ZSWIM4: variants seen among roughly 807,000 people sequenced by gnomAD.
The protein encoded by ZSWIM4 is zinc finger SWIM domain-containing protein 4.
Under a neutral mutation model 102.5 loss-of-function variants are expected in ZSWIM4, and 62 were observed. The observed-to-expected ratio is 0.60, with a 90% CI of 0.49 to 0.75. The LOEUF is 0.75. ZSWIM4 is among the 30% of genes least tolerant of loss of function. ZSWIM4 has a pLI of 0.00. For missense variants in ZSWIM4, 1,280 were observed against 1,529.6 expected, an observed-to-expected ratio of 0.84 and a Z score of 2.72; for synonymous variants, 652 against 674.5, an observed-to-expected ratio of 0.97 and a Z score of 0.52.
chr19:13,828,599 G>GC (rs776932685), intron 12 of ZSWIM4, 46 bp from the exon 13 acceptor site: 1 of 1,595,942 alleles, frequency 6.3e-7, no homozygotes, highest in Non-Finnish European at 8.6e-7. Flanking sequence ...CCATAGGCCA[G>GC]CCCAAGACTC....
rs774459418 is a variant in ZSWIM4 at position 13,831,005 on chromosome 19, G to A, written c.3276G>A (p.Lys1092=). ...QFLENLKQTY[K]GKKKLMLLVR... The stretch of plus-strand genomic sequence containing the variant: ...TGGAGAACCTCAAACAGACCTACAA[G>A]GGCAAGAAGAAACTCATGCTTTTGG... The change falls in exon 14 of 14, where the codon AAG becomes AAA. Residue 1092 remains lysine (K), a synonymous_variant. Transcript: ENST00000590508. 27 of 1,608,156 alleles carry A rather than the reference G, an allele frequency of 1.7e-5. No homozygotes were observed. The highest frequency in any genetic ancestry group is 2.3e-5 in the Non-Finnish European group (27 of 1,177,742).
Position 13,825,361 on chromosome 19 carries a change from G to A in ZSWIM4, c.2216-189G>A, listed in dbSNP as rs1975577718. 6.6e-6 allele frequency among the ~76,000 whole-genome samples: 1 copy of A among 152,086 alleles called. No individual in the cohort carries two copies. Among genetic ancestry groups the A allele is most frequent in the Non-Finnish European group, 1.5e-5 (1 of 68,034 alleles). On this transcript the variant is annotated intron_variant, in intron 11 of 13. Transcript: ENST00000590508. The surrounding 1 kb of genome is among the most constrained non-coding windows in gnomAD (Gnocchi z 4.6). ...CTTTCTGTAACAGGAAAGGGCCAGA[G>A]AGGAGATAATTGGCAAGGGCTAGGG...
rs530507617 is a variant in ZSWIM4, at chr19:13,831,775, G to A, written c.*725G>A. On this transcript the variant is annotated 3_prime_UTR_variant, in exon 14 of 14. Coordinates refer to ENST00000590508, the MANE Select transcript of ZSWIM4 (RefSeq NM_001367834.3). ...CTGGGGTTGGGGGACACAGACGCGA[G>A]AGAGCCGGAGACCCCCACCCCCGAT... is the stretch of plus-strand genomic sequence containing the variant. The A allele has an allele frequency of 5.7e-4, 87 of 152,574 alleles. 1 individual carries two copies. Among genetic ancestry groups the A allele is most frequent in the African/African-American group, 2.0e-3 (82 of 41,568 alleles). 9.5% of individuals were successfully genotyped at this position (152,574 alleles called of 1,614,324 possible). A position where few individuals can be genotyped will look rare whatever the true frequency, so the allele number is the denominator to read the frequency against.
At chr19:13,818,307 G>C (rs1267285484) in intron 9 of ZSWIM4, among the ~76,000 whole-genome samples, 10 of 152,100 alleles carry the variant, frequency 6.6e-5, no homozygotes, top group African/African-American at 2.4e-4. Flanking sequence ...CCCCTGTCCC[G>C]GCCTGCTCCT....
Position 13,808,761 on chromosome 19 carries a change from A to T in ZSWIM4, c.713-75A>T, listed in dbSNP as rs1415513911. 21 of 1,192,276 alleles carry T rather than the reference A, an allele frequency of 1.8e-5. No homozygotes were observed. In the Middle Eastern group the frequency reaches 1.2e-3, roughly 66 times the overall value. The allele number at this position is 1,192,276 out of a possible 1,614,324, so 73.9% of individuals were successfully genotyped here. A position where few individuals can be genotyped will look rare whatever the true frequency, so the allele number is the denominator to read the frequency against. On this transcript the variant is annotated intron_variant, in intron 3 of 13. Transcript: ENST00000590508. ...TCTCCAAAAAAAAAAAAAAAAAAAA[A>T]GGACAGCTCTCCTCAACCCAACCCA... is the stretch of plus-strand genomic sequence containing the variant.
intron 5 of ZSWIM4, among the ~76,000 whole-genome samples, chr19:13,812,399 T>C (rs1426500054): frequency 6.6e-6 from 1 of 151,822 alleles, no homozygotes; most frequent in Non-Finnish European, 1.5e-5. Flanking sequence ...GTTGAAGCGA[T>C]TCTTGTGCCT....
At chr19:13,826,411 G>T (rs1229336653) in intron 12 of ZSWIM4, among the ~76,000 whole-genome samples, 1 of 152,074 alleles carries the variant, frequency 6.6e-6, no homozygotes, top group Non-Finnish European at 1.5e-5. Flanking sequence ...CCACTGAAGG[G>T]CTGGCCTGGC....
Position 13,795,510 on chromosome 19 carries a change from G to A in ZSWIM4, c.-139G>A, listed in dbSNP as rs867550761. 1.0e-4 allele frequency: 21 copies of A among 210,656 alleles called. No homozygotes were observed. In the Middle Eastern group the frequency reaches 0.014, roughly 137 times the overall value. The allele number at this position is 210,656 out of a possible 1,614,324, so 13.0% of individuals were successfully genotyped here. A position where few individuals can be genotyped will look rare whatever the true frequency, so the allele number is the denominator to read the frequency against. On this transcript the variant is annotated 5_prime_UTR_variant, in exon 1 of 14. Coordinates refer to ENST00000590508, the MANE Select transcript of ZSWIM4 (RefSeq NM_001367834.3). ...CCCGGCGCGGGTCGGGGGTGGGTGC[G>A]GTAGGGGTCCCGGGGCGGCCGAGCG...
intron 1 of ZSWIM4, among the ~76,000 whole-genome samples, chr19:13,799,299 A>T (rs1974693401): frequency 7.7e-6 from 1 of 129,630 alleles, no homozygotes. Context: ...TTCGAGATGC[A>T]GTCTTGCTCT....
intron 6 of ZSWIM4, among the ~76,000 whole-genome samples, chr19:13,814,159 C>T (rs570225626): frequency 1.8e-4 from 27 of 150,468 alleles, no homozygotes; most frequent in African/African-American, 4.9e-4. Flanking sequence ...TGGGTTCAAG[C>T]GATTCTCATT....
chr19:13,816,995 A>G (rs8105290), intron 7 of ZSWIM4, among the ~76,000 whole-genome samples: 1,824 of 152,116 alleles, frequency 0.012, 31 homozygotes, highest in African/African-American at 0.042. Context: ...GGATCGCTTG[A>G]GCTCCAGAGG....
intron 11 of ZSWIM4, 26 bp downstream of exon 11, chr19:13,823,526 C>A: frequency 6.4e-7 from 1 of 1,550,852 alleles, no homozygotes; most frequent in Non-Finnish European, 8.7e-7. Flanking sequence ...GTCCCGATTC[C>A]TTTGTCTTCC....
In ZSWIM4 at chr19:13,817,204, TTCCACCTGCAGAGCTGCTCCAGAAGGGC is replaced by T. The variant is rs1975313992; in HGVS notation, c.1532-1_1558del. The T allele has an allele frequency of 6.2e-7, 1 of 1,605,448 alleles. No homozygotes were observed. ...GGTGTGTGGGCATTGAGCCCCCTCTTTCCACCTGCAGAGCTGCTCCAGAAGGGCTCCACCTGCATCACCAACACCGAAG... is the reference window on the plus strand; with the variant it reads ...GGTGTGTGGGCATTGAGCCCCCTCTTTCCACCTGCATCACCAACACCGAAG... On this transcript the variant is annotated splice_acceptor_variant and splice_polypyrimidine_tract_variant and coding_sequence_variant and intron_variant, in exon 8 of 14. Transcript: ENST00000590508. LOFTEE classifies it high-confidence loss of function.
chr19:13,831,223 A>G lies in ZSWIM4; in HGVS notation c.*173A>G. On this transcript the variant is annotated 3_prime_UTR_variant, in exon 14 of 14. Transcript: ENST00000590508. ...CCACGTGTGTGCCTGGGAGTCTGTG[A>G]GCAAGTGTGCAAGACTCCAGAAGCA... 1 of 828,510 alleles carries G rather than the reference A, an allele frequency of 1.2e-6. No individual in the cohort carries two copies. The highest frequency in any genetic ancestry group is 1.8e-6 in the Non-Finnish European group (1 of 552,936). 51.3% of individuals were successfully genotyped at this position (828,510 alleles called of 1,614,324 possible).
chr19:13,799,955 C>A (rs1181680254), intron 2 of ZSWIM4, 34 bp downstream of exon 2: 10 of 1,584,896 alleles, frequency 6.3e-6, no homozygotes, highest in Non-Finnish European at 8.6e-6. Context: ...GCTGGGGAGG[C>A]CAGGAGGTCC....
At chr19:13,829,587 T>C (rs1325756379) in intron 13 of ZSWIM4, among the ~76,000 whole-genome samples, 2 of 151,768 alleles carry the variant, frequency 1.3e-5, no homozygotes, top group African/African-American at 2.4e-5. Flanking sequence ...CAAGACTCCA[T>C]CTCAAAATGG....
At chr19:13,810,909 C>CTTTTTT (rs58776366) in intron 5 of ZSWIM4, among the ~76,000 whole-genome samples, 12 of 94,132 alleles carry the variant, frequency 1.3e-4, no homozygotes, top group African/African-American at 4.8e-4. Context: ...CACGCCCAGC[C>CTTTTTT]TTTTTTTTTT....
At chr19:13,828,539 C>T in intron 12 of ZSWIM4, 106 bp from the exon 13 acceptor site, 1 of 870,960 alleles carries the variant, frequency 1.1e-6, no homozygotes, top group Admixed American at 2.0e-5. Flanking sequence ...TTCATTGGAT[C>T]AGCTTTAACC....
intron 11 of ZSWIM4, among the ~76,000 whole-genome samples, chr19:13,824,576 A>G (rs1224959308): frequency 6.6e-6 from 1 of 151,872 alleles, no homozygotes; most frequent in Non-Finnish European, 1.5e-5. Flanking sequence ...TACTAAAAAT[A>G]TGAAAATTAG....
Sources: allele counts gnomAD v4.1 joint callset (sites outside exome capture counted in the v4.1 genomes callset), GRCh38; gene constraint gnomAD v4.1.1; non-coding constraint Gnocchi (gnomAD v3.1); transcripts MANE v1.5; gene names NCBI Gene and HGNC (gene_info 2026-07-23, HGNC 2026-07-21).